The following PRELID2 variants were observed in gnomAD, a reference collection of about 807,000 sequenced individuals.
The protein encoded by PRELID2 is PRELI domain containing 2, also known as PRELI domain-containing protein 2.
In PRELID2, 25 loss-of-function variants were observed where a neutral mutation model predicts 28.4. The observed-to-expected ratio is 0.88, with a 90% CI of 0.64 to 1.23. PRELID2 has a LOEUF of 1.23. Ranked by LOEUF, PRELID2 falls within the 50% of genes most tolerant of loss-of-function variation. PRELID2 has a pLI of 0.00. For missense variants in PRELID2, 201 were observed against 214.4 expected (o/e 0.94, Z 0.39); for synonymous variants, 76 against 71.6 (o/e 1.06, Z -0.31).
chr5:145,574,744 C>T (rs944762012), intron 1 of PRELID2, among the ~76,000 whole-genome samples: 12 of 152,164 alleles, frequency 7.9e-5, no homozygotes, highest in Non-Finnish European at 1.6e-4. Context: ...GCTCAAGTCC[C>T]TTATATAAAA....
chr5:145,772,556 C>T (rs1758175282), intron 5 of PRELID2, among the ~76,000 whole-genome samples: 1 of 152,146 alleles, frequency 6.6e-6, no homozygotes, highest in African/African-American at 2.4e-5. Flanking sequence ...CACCACTTGG[C>T]AAGAGGGTAT....
the PRELID2 span, among the ~76,000 whole-genome samples, chr5:145,375,321 T>C: frequency 6.6e-6 from 1 of 152,112 alleles, no homozygotes; most frequent in Non-Finnish European, 1.5e-5. Flanking sequence ...TCAAGGAGGC[T>C]GGATAATAGC....
intron 1 of PRELID2, among the ~76,000 whole-genome samples, chr5:145,744,362 G>A (rs776511709): frequency 1.3e-5 from 2 of 152,216 alleles, no homozygotes; most frequent in Non-Finnish European, 2.9e-5. Flanking sequence ...AAAGTGCTTC[G>A]TTAAATGGGT....
chr5:145,276,225 C>T, the PRELID2 span, among the ~76,000 whole-genome samples: 1 of 152,112 alleles, frequency 6.6e-6, no homozygotes, highest in African/African-American at 2.4e-5. Context: ...GATGGAAGCA[C>T]ATTAATGACA....
rs1344262229 is a variant in PRELID2 at position 145,524,561 on chromosome 5, G to T, written n.71-51246C>A. Among the ~76,000 whole-genome samples, 3 of 152,234 alleles carry T rather than the reference G, an allele frequency of 2.0e-5. No individual in the cohort carries two copies. In the East Asian group the frequency reaches 5.8e-4, roughly 29 times the overall value. On this transcript the variant is annotated intron_variant and non_coding_transcript_variant, in intron 1 of 2. Transcript: ENST00000510259. Reference sequence around the variant, plus strand: ...GAGCAAAGAGGGAAAACGTGGTTTTGTTCTCCATGTGGTAATTCTGTAAGT... The same window carrying T: ...GAGCAAAGAGGGAAAACGTGGTTTTTTTCTCCATGTGGTAATTCTGTAAGT...
chr5:145,593,980 A>AT (rs1255303699), intron 1 of PRELID2, among the ~76,000 whole-genome samples: 2 of 152,178 alleles, frequency 1.3e-5, no homozygotes, highest in East Asian at 3.8e-4. Flanking sequence ...TTGTGATAGT[A>AT]TTTTTAAAGA....
chr5:145,361,567 C>A, the PRELID2 span, among the ~76,000 whole-genome samples: 1 of 152,144 alleles, frequency 6.6e-6, no homozygotes, highest in Non-Finnish European at 1.5e-5. Context: ...TAAAGGGCCA[C>A]AAAAGAGTTG....
intron 1 of PRELID2, among the ~76,000 whole-genome samples, chr5:145,645,318 G>C (rs1418143192): frequency 7.7e-6 from 1 of 129,860 alleles, no homozygotes; most frequent in East Asian, 2.5e-4. Context: ...TTTTATCAGA[G>C]ATTAGGATTG....
chr5:145,282,811 G>A, the PRELID2 span, among the ~76,000 whole-genome samples: 8 of 152,244 alleles, frequency 5.3e-5, no homozygotes, highest in South Asian at 1.0e-3. Flanking sequence ...GAGCCACCAC[G>A]CCCTAGCAGA....
intron 1 of PRELID2, among the ~76,000 whole-genome samples, chr5:145,541,665 T>C (rs1422698668): frequency 6.6e-6 from 1 of 152,076 alleles, no homozygotes; most frequent in African/African-American, 2.4e-5. Context: ...CAAGAAACTA[T>C]AAAGGTAGTT....
intron 6 of PRELID2, among the ~76,000 whole-genome samples, chr5:145,761,972 T>C (rs536393148): frequency 3.3e-5 from 5 of 151,918 alleles, no homozygotes; most frequent in African/African-American, 9.7e-5. Context: ...GTAAAAACAG[T>C]CAAGAAAATG....
downstream of PRELID2, among the ~76,000 whole-genome samples, chr5:145,751,919 T>G (rs1757134058): frequency 6.6e-6 from 1 of 152,088 alleles, no homozygotes; most frequent in African/African-American, 2.4e-5. Context: ...GAAGCAGAGG[T>G]TGCAGTGAGC....
intron 6 of PRELID2, among the ~76,000 whole-genome samples, chr5:145,763,081 CAAGA>C (rs1444079078): frequency 6.6e-6 from 1 of 152,216 alleles, no homozygotes; most frequent in Non-Finnish European, 1.5e-5. Context: ...CTCTGATGCT[CAAGA>C]AAGTTTCAAA....
intron 1 of PRELID2, among the ~76,000 whole-genome samples, chr5:145,529,454 C>T (rs1752637352): frequency 6.6e-6 from 1 of 152,156 alleles, no homozygotes; most frequent in Non-Finnish European, 1.5e-5. Context: ...TCTGTTATTA[C>T]AACTTCATGG....
chr5:145,291,335 C>CACAAAAAA, the PRELID2 span, among the ~76,000 whole-genome samples: 5 of 57,462 alleles, frequency 8.7e-5, no homozygotes, highest in African/African-American at 4.3e-4. Context: ...GACTCTGTTT[C>CACAAAAAA]AGAAAAAAAA....
chr5:145,632,865 G>C (rs534867835), intron 1 of PRELID2, among the ~76,000 whole-genome samples: 2 of 152,298 alleles, frequency 1.3e-5, no homozygotes, highest in East Asian at 1.9e-4. Flanking sequence ...TCCTAAGTGG[G>C]CCTGACCTAA....
At chr5:145,797,828 G>A (rs919964193) in intron 4 of PRELID2, among the ~76,000 whole-genome samples, 2 of 151,786 alleles carry the variant, frequency 1.3e-5, no homozygotes, top group Non-Finnish European at 2.9e-5. Flanking sequence ...AAGAAACAAG[G>A]AAACATGGCC....
the PRELID2 span, among the ~76,000 whole-genome samples, chr5:145,276,173 G>T: frequency 6.6e-6 from 1 of 152,078 alleles, no homozygotes; most frequent in East Asian, 1.9e-4. Flanking sequence ...TAACCTTTTT[G>T]ATAACGATGG....
chr5:145,489,313 T>C lies in PRELID2; in HGVS notation n.71-15998A>G, dbSNP rs571979590. 5.3e-5 allele frequency among the ~76,000 whole-genome samples: 8 copies of C among 152,344 alleles called. No homozygotes were observed. The South Asian group carries it at 1.5e-3, about 28-fold the overall frequency. On this transcript the variant is annotated intron_variant and non_coding_transcript_variant, in intron 1 of 2. Coordinates refer to the PRELID2 transcript ENST00000510259. ...ATTTGATTCAGCTTTCAATAACAAA[T>C]AACTTCAGTGTTTCCAATTAGCCTC...
Sources: gnomAD v4.1 joint callset for allele counts (sites outside exome capture counted in the v4.1 genomes callset) on GRCh38, gnomAD v4.1.1 for gene constraint, MANE v1.5 for transcripts, NCBI Gene and HGNC (gene_info 2026-07-23, HGNC 2026-07-21) for gene names.